RNF13: variants seen among roughly 807,000 people sequenced by gnomAD.
RNF13 encodes E3 ubiquitin-protein ligase RNF13.
Under a neutral mutation model 37.7 loss-of-function variants are expected in RNF13, and 19 were observed. The observed-to-expected ratio is 0.50, with a 90% CI of 0.35 to 0.74. The LOEUF (loss-of-function observed/expected upper bound fraction) is 0.74. Ranked by LOEUF, RNF13 falls within the 30% of genes least tolerant of loss-of-function variation. The pLI is 0.01. For synonymous variants in RNF13, 144 were observed against 157.8 expected (o/e 0.91, Z 0.65); for missense variants, 375 against 453.0 (o/e 0.83, Z 1.56).
At chr3:149,936,715 G>A (rs1719720899) in intron 8 of RNF13, among the ~76,000 whole-genome samples, 1 of 152,070 alleles carries the variant, frequency 6.6e-6, no homozygotes, top group Non-Finnish European at 1.5e-5. Flanking sequence ...GGTTGGTAGG[G>A]TGTCACTGGC....
intron 8 of RNF13, among the ~76,000 whole-genome samples, chr3:149,925,456 C>T (rs73868604): frequency 0.027 from 4,043 of 152,228 alleles, 68 homozygotes; most frequent in South Asian, 0.038. Context: ...CATACGAATG[C>T]ATACCTAAAC....
chr3:149,941,889 A>ATATTTATT (rs58521010), intron 8 of RNF13, among the ~76,000 whole-genome samples: 7,090 of 144,248 alleles, frequency 0.049, 336 homozygotes, highest in African/African-American at 0.12. Context: ...GTCCAGCTTA[A>ATATTTATT]TATTTATTTA....
At chr3:149,895,619 T>A (rs763904106) in intron 5 of RNF13, 59 bp downstream of exon 5, 1 of 1,153,084 alleles carries the variant, frequency 8.7e-7, no homozygotes, top group South Asian at 1.4e-5. Flanking sequence ...TAACTAAAAA[T>A]TAACAGGATT....
intron 6 of RNF13, among the ~76,000 whole-genome samples, chr3:149,904,568 A>G (rs1312099726): frequency 6.6e-6 from 1 of 152,002 alleles, no homozygotes; most frequent in Non-Finnish European, 1.5e-5. Flanking sequence ...CTGTGTGCTG[A>G]TGTTATAAAT....
chr3:149,897,790 G>C (rs1242978536), intron 5 of RNF13, among the ~76,000 whole-genome samples: 1 of 152,082 alleles, frequency 6.6e-6, no homozygotes, highest in Non-Finnish European at 1.5e-5. Context: ...CCTTTCCTAG[G>C]AATACTGGTA....
chr3:149,908,384 A>G (rs185440134), intron 6 of RNF13, among the ~76,000 whole-genome samples: 16 of 152,328 alleles, frequency 1.1e-4, no homozygotes, highest in South Asian at 8.3e-4. Flanking sequence ...TAAGATTTCT[A>G]TATTCTCTCT....
intron 8 of RNF13, among the ~76,000 whole-genome samples, chr3:149,944,950 G>A (rs377000861): frequency 0.089 from 13,605 of 152,068 alleles, 689 homozygotes; most frequent in African/African-American, 0.13. Context: ...TAGGTCTAAC[G>A]TTTAAGTCTT....
intron 1 of RNF13, among the ~76,000 whole-genome samples, chr3:149,832,802 G>A (rs116378835): frequency 6.6e-6 from 1 of 152,018 alleles, no homozygotes; most frequent in South Asian, 2.1e-4. Context: ...TGAATACCTG[G>A]AAAGACACAA....
chr3:149,957,861 A>C (rs1448308880), intron 8 of RNF13, among the ~76,000 whole-genome samples: 1 of 152,204 alleles, frequency 6.6e-6, no homozygotes, highest in Non-Finnish European at 1.5e-5. Flanking sequence ...AAGGACCAGG[A>C]TGGGAACCTC....
At chr3:149,904,784 A>C (rs943952134) in intron 6 of RNF13, among the ~76,000 whole-genome samples, 1 of 152,100 alleles carries the variant, frequency 6.6e-6, no homozygotes, top group African/African-American at 2.4e-5. Context: ...TTAAAAAAAG[A>C]CTTTAATTTA....
intron 8 of RNF13, chr3:149,939,465 A>G (rs1720037511): frequency 1.1e-5 from 6 of 562,280 alleles, no homozygotes; most frequent in South Asian, 7.0e-5. Flanking sequence ...AGTGCTGTCC[A>G]CTAATATGCA....
At chr3:149,950,037 G>C (rs774763942) in intron 8 of RNF13, among the ~76,000 whole-genome samples, 1 of 151,914 alleles carries the variant, frequency 6.6e-6, no homozygotes, top group Non-Finnish European at 1.5e-5. Context: ...ATGTCCTTAA[G>C]CTCAAAGATA....
intron 1 of RNF13, among the ~76,000 whole-genome samples, chr3:149,836,388 C>T (rs1255305630): frequency 1.3e-5 from 2 of 151,890 alleles, no homozygotes; most frequent in Admixed American, 6.6e-5. Context: ...CAAGTCAAGA[C>T]CACAATGAGA....
chr3:149,909,359 C>T (rs1031797084), intron 6 of RNF13, among the ~76,000 whole-genome samples: 6 of 151,708 alleles, frequency 4.0e-5, no homozygotes, highest in African/African-American at 1.5e-4. Context: ...ACTGCAACCT[C>T]CGCCTCCCGG....
At chr3:149,871,059 C>T (rs1209077453) in intron 3 of RNF13, among the ~76,000 whole-genome samples, 9 of 132,484 alleles carry the variant, frequency 6.8e-5, no homozygotes, top group African/African-American at 2.3e-4. Context: ...TTTTTTTTTC[C>T]GAGACGGAGT....
chr3:149,907,670 A>G (rs189828932), intron 6 of RNF13, among the ~76,000 whole-genome samples: 4 of 152,334 alleles, frequency 2.6e-5, no homozygotes, highest in Non-Finnish European at 4.4e-5. Flanking sequence ...AATGTGAACA[A>G]TAATAGAACC....
At chr3:149,920,148 C>T (rs111509866) in intron 7 of RNF13, among the ~76,000 whole-genome samples, 1 of 151,848 alleles carries the variant, frequency 6.6e-6, no homozygotes, top group Non-Finnish European at 1.5e-5. Flanking sequence ...GATACAAATC[C>T]CTTATCTTGT....
intron 6 of RNF13, among the ~76,000 whole-genome samples, chr3:149,906,677 A>G (rs936560880): frequency 8.2e-6 from 1 of 122,382 alleles, no homozygotes; most frequent in Non-Finnish European, 1.6e-5. Flanking sequence ...TTTAATTTAG[A>G]AAGGGTCTCA....
At chr3:149,925,514 GATTA>G (rs1559955621) in intron 8 of RNF13, among the ~76,000 whole-genome samples, 1 of 152,064 alleles carries the variant, frequency 6.6e-6, no homozygotes, top group Non-Finnish European at 1.5e-5. Flanking sequence ...TCTTACCTCT[GATTA>G]ATTTTTTAAT....
Sources: allele counts gnomAD v4.1 joint callset (sites outside exome capture counted in the v4.1 genomes callset), GRCh38; gene constraint gnomAD v4.1.1; transcripts MANE v1.5; gene names NCBI Gene and HGNC (gene_info 2026-07-23, HGNC 2026-07-21).